KIF1C: variants seen among roughly 807,000 people sequenced by gnomAD.
The protein encoded by KIF1C is kinesin family member 1C, also known as kinesin-like protein KIF1C.
KIF1C carries 61 observed loss-of-function variants against 126.5 expected under a neutral mutation model. That is an observed-to-expected ratio of 0.48 (90% CI 0.39 to 0.60). KIF1C has a LOEUF of 0.60. Ranked by LOEUF, KIF1C falls within the 20% of genes least tolerant of loss-of-function variation. KIF1C has a pLI of 0.00. For missense variants in KIF1C, 1,315 were observed against 1,489.2 expected (o/e 0.88, Z 1.93); for synonymous variants, 640 against 580.6 (o/e 1.10, Z -1.47).
At chr17:5,015,319 T>G (rs1432406487) in intron 18 of KIF1C, among the ~76,000 whole-genome samples, 1 of 152,130 alleles carries the variant, frequency 6.6e-6, no homozygotes, top group Non-Finnish European at 1.5e-5. Flanking sequence ...TGTTCGCTCT[T>G]GTCGCCCAGG....
rs1597861406 is a variant in KIF1C, at chr17:5,019,804, C to T, written c.1667-192C>T. ...GCTTCTGGGAATTGTAGTTGGGGCT[C>T]TAACCCTCCTTCTGCTCTTCCTTTC... On this transcript the variant is annotated intron_variant, in intron 18 of 22. Transcript: ENST00000320785. 15 of 606,992 alleles carry T rather than the reference C, an allele frequency of 2.5e-5. No homozygotes were observed. In the East Asian group the frequency reaches 3.9e-4, roughly 16 times the overall value. 37.6% of individuals were successfully genotyped at this position (606,992 alleles called of 1,614,324 possible).
chr17:5,005,211 G>T (rs904850445), intron 13 of KIF1C, among the ~76,000 whole-genome samples: 3 of 152,248 alleles, frequency 2.0e-5, no homozygotes, highest in African/African-American at 7.2e-5. Flanking sequence ...AGAGGATGAG[G>T]ATCCAGAAGG....
Position 5,020,156 on chromosome 17 carries a change from G to A in KIF1C, c.1750+77G>A. 9.3e-7 allele frequency: 1 copy of A among 1,070,234 alleles called. No individual in the cohort carries two copies. The highest frequency in any genetic ancestry group is 1.4e-6 in the Non-Finnish European group (1 of 707,206). The allele number at this position is 1,070,234 out of a possible 1,614,324, so 66.3% of individuals were successfully genotyped here. A position where few individuals can be genotyped will look rare whatever the true frequency, so the allele number is the denominator to read the frequency against. ...AGTCTCAAGGGAGGTCCTTCTGGGT[G>A]CATCCTAGAGGAGGACCCTGAAATA... On this transcript the variant is annotated intron_variant, in intron 19 of 22. Transcript: ENST00000320785. The surrounding 1 kb of genome is among the most constrained non-coding windows in gnomAD (Gnocchi z 5.8).
intron 16 of KIF1C, among the ~76,000 whole-genome samples, chr17:5,012,385 G>A (rs182970016): frequency 5.3e-5 from 8 of 152,162 alleles, no homozygotes; most frequent in Non-Finnish European, 7.4e-5. Context: ...GGCGGGAGGC[G>A]GTCTGTTGTT....
chr17:5,000,839 A>C lies in KIF1C; in HGVS notation c.174A>C (p.Ser58=), dbSNP rs1974570396. 6.2e-7 allele frequency: 1 copy of C among 1,613,848 alleles called. No individual in the cohort carries two copies. The highest frequency in any genetic ancestry group is 2.2e-5 in the East Asian group (1 of 44,886). The change falls in exon 4 of 23, where the codon TCA becomes TCC. Residue 58 remains serine, a synonymous_variant. Transcript: ENST00000320785. ...TCACCTTTGACTACTCCTACTGGTC[A>C]CACACTTCGGTGGGTTGTTGGGCTG... ...KSFTFDYSYW[S]HTSTEDPQFA...
In KIF1C at chr17:5,024,290, CA is replaced by C. The variant is rs1975164556; in HGVS notation, c.*141del. On this transcript the variant is annotated 3_prime_UTR_variant, in exon 23 of 23. Coordinates refer to ENST00000320785, the MANE Select transcript of KIF1C (RefSeq NM_006612.6). Reference sequence around the variant, plus strand: ...GAAGGTCCGAGTAGGTGATAGAAGACAAGGGGGAGACCGAGCCGGAGGCTGA... The same window carrying C: ...GAAGGTCCGAGTAGGTGATAGAAGACAGGGGGAGACCGAGCCGGAGGCTGA... 2 of 636,506 alleles carry C rather than the reference CA, an allele frequency of 3.1e-6. No homozygotes were observed. Among genetic ancestry groups the C allele is most frequent in the Non-Finnish European group, 5.3e-6 (2 of 374,888 alleles). The allele number at this position is 636,506 out of a possible 1,614,324, so 39.4% of individuals were successfully genotyped here.
chr17:5,006,855 T>C, intron 13 of KIF1C, 60 bp from the exon 14 acceptor site: 1 of 1,552,930 alleles, frequency 6.4e-7, no homozygotes, highest in Non-Finnish European at 8.8e-7. Context: ...GTCTCCTGGA[T>C]GTCTCTCATC....
At chr17:5,012,189 C>G (rs1974881364) in intron 16 of KIF1C, 3 of 152,262 alleles carry the variant, frequency 2.0e-5, no homozygotes. Context: ...GGGCTTGACT[C>G]ATCTCTGTAC....
rs371256617 is a variant in KIF1C, at chr17:5,001,432, G to A, written c.363+31G>A. ...CCTAGGACCTGGTGGGGCAGCCAGGGCAGGAGCATCTTTAGCTGCCCTCTG... is the reference window on the plus strand; with the variant it reads ...CCTAGGACCTGGTGGGGCAGCCAGGACAGGAGCATCTTTAGCTGCCCTCTG... On this transcript the variant is annotated intron_variant, in intron 5 of 22. Coordinates refer to ENST00000320785, the MANE Select transcript of KIF1C (RefSeq NM_006612.6). The A allele has an allele frequency of 7.2e-5, 116 of 1,605,344 alleles. No individual in the cohort carries two copies. In the South Asian group the frequency reaches 1.1e-3, roughly 15 times the overall value.
intron 16 of KIF1C, among the ~76,000 whole-genome samples, chr17:5,013,141 G>A (rs1233001147): frequency 2.6e-5 from 4 of 152,198 alleles, no homozygotes; most frequent in Admixed American, 1.3e-4. Flanking sequence ...ATTCATGTGT[G>A]TAGGAAATTC....
rs1202209298 is a variant in KIF1C, at chr17:5,023,964, G to T, written c.3125G>T (p.Gly1042Val). 1 of 1,580,506 alleles carries T rather than the reference G, an allele frequency of 6.3e-7. No homozygotes were observed. The highest frequency in any genetic ancestry group is 8.6e-7 in the Non-Finnish European group (1 of 1,162,618). ...NSLDGGGRSRGAGSAQPEPQH... is the reference protein window; with the variant it reads ...NSLDGGGRSRVAGSAQPEPQH... ...CTGGATGGAGGGGGCCGATCCCGGG[G>T]AGCGGGTTCTGCACAGCCTGAACCC... The change falls in exon 23 of 23, where the codon GGA becomes GTA. Residue 1042 changes from glycine (G) to valine (V), a missense_variant. Gly to Val is a moderately radical substitution (Grantham distance 109). This residue lies in a region of KIF1C where 441 missense variants were observed against 436.1 expected (regional missense o/e 1.01). Transcript: ENST00000320785. This position sits in a 1 kb window ranked among gnomAD's most constrained non-coding sequence, Gnocchi z 4.2.
intron 8 of KIF1C, 77 bp downstream of exon 8, chr17:5,002,919 G>T: frequency 3.3e-6 from 4 of 1,214,726 alleles, no homozygotes; most frequent in Non-Finnish European, 3.6e-6. Context: ...TGGTAGAAGG[G>T]TCTTGGGCCC....
At chr17:5,003,771 C>G in intron 9 of KIF1C, 80 bp from the exon 10 acceptor site, 1 of 1,556,196 alleles carries the variant, frequency 6.4e-7, no homozygotes, top group African/African-American at 1.4e-5. Context: ...ACCTGAGACT[C>G]TCACTGGGGA....
intron 13 of KIF1C, 57 bp downstream of exon 13, chr17:5,005,057 C>T (rs530058654): frequency 2.5e-6 from 4 of 1,608,204 alleles, no homozygotes; most frequent in East Asian, 4.5e-5. Flanking sequence ...CCCATCCCTC[C>T]TCACTTGCCT....
chr17:5,026,012 C>T lies in KIF1C; in HGVS notation c.*1861C>T, dbSNP rs1415435083. On this transcript the variant is annotated 3_prime_UTR_variant, in exon 23 of 23. Transcript: ENST00000320785. Reference sequence around the variant, plus strand: ...GGAAAACACTTTGACCCACTTGAAGCTCTGAGCTACTGCTTCACAGCTTCC... The same window carrying T: ...GGAAAACACTTTGACCCACTTGAAGTTCTGAGCTACTGCTTCACAGCTTCC... 1 of 152,214 alleles carries T rather than the reference C, an allele frequency of 6.6e-6. No individual in the cohort carries two copies. The highest frequency in any genetic ancestry group is 1.5e-5 in the Non-Finnish European group (1 of 68,042). The allele number at this position is 152,214 out of a possible 1,614,324, so 9.4% of individuals were successfully genotyped here. A position where few individuals can be genotyped will look rare whatever the true frequency, so the allele number is the denominator to read the frequency against.
At chr17:5,001,469 A>T in intron 5 of KIF1C, 68 bp downstream of exon 5, 3 of 1,469,326 alleles carry the variant, frequency 2.0e-6, no homozygotes, top group Non-Finnish European at 2.8e-6. Context: ...GGAAGGAAGG[A>T]CTAGGGTCGG....
At chr17:5,012,717 G>T (rs114715514) in intron 16 of KIF1C, among the ~76,000 whole-genome samples, 4,877 of 152,192 alleles carry the variant, frequency 0.032, 100 homozygotes, top group Non-Finnish European at 0.038. Context: ...GGATGGAGAG[G>T]TGTGTGGCAC....
chr17:5,003,681 C>T lies in KIF1C; in HGVS notation c.790C>T (p.Arg264Cys), dbSNP rs557126775. ...RADSSGARGM[R>C]LKEGANINKS... is the part of the protein sequence containing the mutation. ...CGACTCCTCAGGGGCCCGGGGCATG[C>T]GCCTGAAGGTGAGGGGCCTTCAGAG... is the stretch of plus-strand genomic sequence containing the variant. Residue 264 changes from arginine to cysteine, a missense_variant, in exon 9 of 23, where the codon CGC (arginine) becomes TGC (cysteine). Physicochemically the swap from Arg to Cys is radical, Grantham distance 180. Transcript: ENST00000320785. The T allele has an allele frequency of 8.1e-6, 13 of 1,613,170 alleles. No homozygotes were observed. Among genetic ancestry groups the T allele is most frequent in the African/African-American group, 2.7e-5 (2 of 75,028 alleles).
intron 16 of KIF1C, among the ~76,000 whole-genome samples, chr17:5,009,517 G>A (rs1974813090): frequency 6.6e-6 from 1 of 151,672 alleles, no homozygotes; most frequent in East Asian, 2.0e-4. Flanking sequence ...GGTCGGGCCT[G>A]GTGGCTCACA....
Sources: gnomAD v4.1 joint callset for allele counts (sites outside exome capture counted in the v4.1 genomes callset) on GRCh38, gnomAD v4.1.1 for gene constraint, gnomAD v4.1.1 regional missense constraint, Gnocchi (gnomAD v3.1) non-coding constraint, MANE v1.5 for transcripts, NCBI Gene and HGNC (gene_info 2026-07-23, HGNC 2026-07-21) for gene names.